Variants in TENM3 observed in about 807,000 individuals in gnomAD.
TENM3 encodes the protein teneurin-3.
A neutral mutation model predicts 255.1 loss-of-function variants in TENM3; 63 were observed. That is an observed-to-expected ratio of 0.25 (90% confidence interval 0.20 to 0.30). The LOEUF (loss-of-function observed/expected upper bound fraction) is 0.30. Among genes scored for constraint, TENM3 ranks in the 10% least tolerant of loss-of-function variants. TENM3 has a pLI of 1.00. For missense variants in TENM3, 2,929 were observed against 3,461.1 expected (o/e 0.85, Z 3.86); for synonymous variants, 1,306 against 1,322.3 (o/e 0.99, Z 0.27).
chr4:181,779,930 T>A, the TENM3 span, among the ~76,000 whole-genome samples: 2 of 152,300 alleles, frequency 1.3e-5, no homozygotes, highest in African/African-American at 2.4e-5. Context: ...GAATGATGAT[T>A]TCCAGCTTCA....
the TENM3 span, among the ~76,000 whole-genome samples, chr4:181,817,338 T>C: frequency 6.6e-6 from 1 of 152,170 alleles, no homozygotes; most frequent in Non-Finnish European, 1.5e-5. Flanking sequence ...TAGCTATCCA[T>C]TGAATGCCAA....
chr4:182,574,758 G>A (rs558802975), intron 3 of TENM3, among the ~76,000 whole-genome samples: 9 of 152,164 alleles, frequency 5.9e-5, no homozygotes, highest in African/African-American at 2.2e-4. Flanking sequence ...TTGGTAGTAA[G>A]AACGTAAGCT....
chr4:181,553,295 G>C, the TENM3 span, among the ~76,000 whole-genome samples: 479 of 110,120 alleles, frequency 4.3e-3, 5 homozygotes, highest in South Asian at 0.062. Context: ...GTGTGTGTGT[G>C]TGTAGTGTGT....
the TENM3 span, among the ~76,000 whole-genome samples, chr4:182,066,696 G>T: frequency 6.6e-6 from 1 of 151,440 alleles, no homozygotes; most frequent in Non-Finnish European, 1.5e-5. Flanking sequence ...GGATCACAAG[G>T]TCAGGAGATC....
At chr4:181,763,607 T>C in the TENM3 span, among the ~76,000 whole-genome samples, 2 of 152,218 alleles carry the variant, frequency 1.3e-5, no homozygotes, top group Admixed American at 1.3e-4. Context: ...TATCACTTAA[T>C]TATCTATGGC....
At chr4:182,071,871 A>AT in the TENM3 span, among the ~76,000 whole-genome samples, 673 of 152,228 alleles carry the variant, frequency 4.4e-3, 4 homozygotes, top group African/African-American at 0.015. Flanking sequence ...GGCCTTTTAA[A>AT]TGTGATTTTA....
intron 6 of TENM3, among the ~76,000 whole-genome samples, 197 bp downstream of exon 6, chr4:182,654,090 A>C (rs1024393675): frequency 6.6e-5 from 10 of 152,150 alleles, no homozygotes; most frequent in Admixed American, 2.0e-4. Flanking sequence ...CAGGAATAAT[A>C]TGATTTTCTG....
chr4:182,023,772 T>C, the TENM3 span, among the ~76,000 whole-genome samples: 2 of 152,326 alleles, frequency 1.3e-5, no homozygotes, highest in East Asian at 1.9e-4. Context: ...CAAAGATCAA[T>C]TTTGCTCATA....
intron 2 of TENM3, among the ~76,000 whole-genome samples, chr4:182,339,835 G>A (rs1764375171): frequency 6.6e-6 from 1 of 152,042 alleles, no homozygotes; most frequent in Non-Finnish European, 1.5e-5. Flanking sequence ...ATCATTGCCG[G>A]GCCTTGGATT....
At chr4:182,181,405 T>G (rs1327309010) in intron 1 of TENM3, among the ~76,000 whole-genome samples, 1 of 152,242 alleles carries the variant, frequency 6.6e-6, no homozygotes, top group Non-Finnish European at 1.5e-5. Flanking sequence ...TGTTTTCCTC[T>G]TTTTAATCTG....
At chr4:181,597,969 A>G in the TENM3 span, among the ~76,000 whole-genome samples, 6 of 152,300 alleles carry the variant, frequency 3.9e-5, no homozygotes, top group South Asian at 1.2e-3. Flanking sequence ...GAAATTTGAT[A>G]CCATTCTGTG....
chr4:182,149,740 G>T (rs1273076327), intron 1 of TENM3, among the ~76,000 whole-genome samples: 1 of 151,946 alleles, frequency 6.6e-6, no homozygotes, highest in Admixed American at 6.6e-5. Context: ...GAGCATGTGT[G>T]GAGTGAAATG....
chr4:182,364,416 T>G (rs924513631), intron 3 of TENM3, among the ~76,000 whole-genome samples: 1 of 152,106 alleles, frequency 6.6e-6, no homozygotes, highest in African/African-American at 2.4e-5. Context: ...TGTTTTTTGT[T>G]TTTTGTTTTT....
intron 6 of TENM3, among the ~76,000 whole-genome samples, chr4:182,672,038 C>T (rs1376914360): frequency 6.6e-6 from 1 of 152,128 alleles, no homozygotes; most frequent in Non-Finnish European, 1.5e-5. Flanking sequence ...CATTCTGTTC[C>T]TCAGCCTTCT....
chr4:182,098,963 C>CTTTTTTTTT, the TENM3 span, among the ~76,000 whole-genome samples: 3 of 131,230 alleles, frequency 2.3e-5, no homozygotes, highest in Non-Finnish European at 4.8e-5. Context: ...CTCTTTTTTT[C>CTTTTTTTTT]TTTTTTTTTT....
the TENM3 span, among the ~76,000 whole-genome samples, chr4:181,638,202 A>G: frequency 6.6e-6 from 1 of 152,246 alleles, no homozygotes; most frequent in Non-Finnish European, 1.5e-5. Flanking sequence ...TACTTATCCC[A>G]CACAGACTGA....
the TENM3 span, among the ~76,000 whole-genome samples, chr4:181,553,272 TGTGTGTGTGTGTGTGTGTGTGTGTGTA>T: frequency 3.0e-5 from 4 of 134,564 alleles, no homozygotes; most frequent in Non-Finnish European, 6.3e-5. Flanking sequence ...TGTGTGTGTG[TGTGTGTGTGTGTGTGTGTGTGTGTGTA>T]GTGTGTGTGT....
At chr4:182,522,997 A>G (rs751499381) in intron 3 of TENM3, among the ~76,000 whole-genome samples, 1 of 151,998 alleles carries the variant, frequency 6.6e-6, no homozygotes, top group Non-Finnish European at 1.5e-5. Flanking sequence ...AGCCATTTTC[A>G]TGGGTGAGAT....
chr4:181,531,164 A>T, the TENM3 span, among the ~76,000 whole-genome samples: 1 of 152,206 alleles, frequency 6.6e-6, no homozygotes, highest in Non-Finnish European at 1.5e-5. Context: ...GATAGCAATC[A>T]GAACCAGAGT....
Sources: allele counts gnomAD v4.1 joint callset (sites outside exome capture counted in the v4.1 genomes callset), GRCh38; gene constraint gnomAD v4.1.1; transcripts MANE v1.5; gene names NCBI Gene and HGNC (gene_info 2026-07-23, HGNC 2026-07-21).